Variants in ITCH observed in about 807,000 individuals in gnomAD.
ITCH encodes E3 ubiquitin-protein ligase Itchy homolog.
In ITCH, 28 loss-of-function variants were observed where a neutral mutation model predicts 126.8. The ratio of observed to expected loss-of-function variants is 0.22; its 90% CI spans 0.16 to 0.30. ITCH has a LOEUF of 0.30. Ranked by LOEUF, ITCH falls within the 10% of genes least tolerant of loss-of-function variation. The pLI, the probability that ITCH is intolerant of heterozygous loss-of-function variation, is 1.00. For missense variants in ITCH, 631 were observed against 1,032.4 expected (o/e 0.61, Z 5.33); for synonymous variants, 342 against 340.0 (o/e 1.01, Z -0.06).
intron 3 of ITCH, among the ~76,000 whole-genome samples, chr20:34,395,897 A>G (rs1481691511): frequency 2.6e-5 from 4 of 152,136 alleles, no homozygotes; most frequent in Non-Finnish European, 5.9e-5. Context: ...GAAAAATGCT[A>G]TAAACATTTG....
chr20:34,476,732 T>C (rs945809460), intron 16 of ITCH: 2 of 211,666 alleles, frequency 9.4e-6, no homozygotes, highest in African/African-American at 4.6e-5. Flanking sequence ...TGATCCTCTC[T>C]GGATATTTAA....
At chr20:34,434,402 T>C (rs762128081) in intron 7 of ITCH, among the ~76,000 whole-genome samples, 18 of 152,200 alleles carry the variant, frequency 1.2e-4, no homozygotes, top group Non-Finnish European at 2.6e-4. Context: ...GAGGAACAGA[T>C]AGGATTGAGG....
At position 34,507,746 on chromosome 20, in the gene ITCH, A is replaced by G; in HGVS notation, c.2541A>G (p.Glu847=). 1 of 1,613,982 alleles carries G rather than the reference A, an allele frequency of 6.2e-7. No individual in the cohort carries two copies. Among genetic ancestry groups the G allele is most frequent in the South Asian group, 1.1e-5 (1 of 91,084 alleles). The stretch of plus-strand genomic sequence containing the variant: ...ACAAGAGCTATGAGCAACTGAAGGA[A>G]AAGCTGTTGTTTGCCATAGAAGAAA... ...PPYKSYEQLK[E]KLLFAIEETE... The change falls in exon 25 of 25, where the codon GAA becomes GAG. Residue 847 remains glutamate (E), a synonymous_variant. Transcript: ENST00000374864.
At chr20:34,373,536 A>G (rs1490169127) in intron 2 of ITCH, among the ~76,000 whole-genome samples, 3 of 152,168 alleles carry the variant, frequency 2.0e-5, no homozygotes, top group Non-Finnish European at 4.4e-5. Flanking sequence ...TTGGCCTCCC[A>G]AAGTGCTGGA....
chr20:34,411,975 A>T (rs186000401), intron 4 of ITCH, among the ~76,000 whole-genome samples: 92 of 152,358 alleles, frequency 6.0e-4, no homozygotes, highest in African/African-American at 2.0e-3. Context: ...CAAATCATGT[A>T]GCTGACGTGA....
intron 11 of ITCH, among the ~76,000 whole-genome samples, chr20:34,448,262 G>A (rs769220721): frequency 5.3e-5 from 8 of 152,092 alleles, no homozygotes; most frequent in Non-Finnish European, 7.4e-5. Flanking sequence ...GCGTGGTGGC[G>A]CGTGCCTGTG....
intron 16 of ITCH, among the ~76,000 whole-genome samples, 195 bp downstream of exon 16, chr20:34,471,710 G>GTT (rs1240381026): frequency 7.6e-6 from 1 of 131,556 alleles, no homozygotes; most frequent in Non-Finnish European, 1.7e-5. Context: ...GTGTGTGTGT[G>GTT]TGTGTTTCAG....
chr20:34,459,397 C>T (rs1009160440), intron 13 of ITCH, among the ~76,000 whole-genome samples: 4 of 152,044 alleles, frequency 2.6e-5, no homozygotes, highest in African/African-American at 9.7e-5. Context: ...TGTCTCCAGT[C>T]CTTACTGGAG....
rs1424027346 is a variant in ITCH at position 34,402,493 on chromosome 20, G to A, written c.71-6158G>A. On this transcript the variant is annotated intron_variant, in intron 3 of 24. Transcript: ENST00000374864. ...TGAAAAATAGACTAGAAATACATCT[G>A]TTTGTGGATAACTCAGCAGTCATAA... The A allele has an allele frequency of 7.9e-6, 6 of 761,228 alleles. No homozygotes were observed. The Admixed American group carries it at 1.0e-4, about 13-fold the overall frequency. The allele number at this position is 761,228 out of a possible 1,614,324, so 47.2% of individuals were successfully genotyped here.
At chr20:34,507,248 CTCT>C (rs1311269625) in intron 24 of ITCH, among the ~76,000 whole-genome samples, 1 of 136,056 alleles carries the variant, frequency 7.3e-6, no homozygotes, top group Non-Finnish European at 1.5e-5. Context: ...TCCTTTTCAA[CTCT>C]TGTTTTCTTC....
At chr20:34,379,645 AGT>A (rs1250821880) in intron 2 of ITCH, among the ~76,000 whole-genome samples, 1 of 143,480 alleles carries the variant, frequency 7.0e-6, no homozygotes, top group Non-Finnish European at 1.5e-5. Flanking sequence ...CCCAGGCTGG[AGT>A]GCAGTAGTGC....
intron 20 of ITCH, among the ~76,000 whole-genome samples, chr20:34,484,773 A>G (rs61341205): frequency 0.16 from 24,159 of 152,178 alleles, 2,157 homozygotes; most frequent in South Asian, 0.33. Flanking sequence ...ACAAATATAT[A>G]TATCAGCCCA....
intron 24 of ITCH, among the ~76,000 whole-genome samples, chr20:34,505,040 G>C (rs1011295788): frequency 1.3e-5 from 2 of 151,806 alleles, no homozygotes; most frequent in African/African-American, 4.8e-5. Context: ...TTTTTTGTTT[G>C]TTTGTTTGTT....
chr20:34,461,519 G>A (rs1317257698), intron 13 of ITCH, among the ~76,000 whole-genome samples: 1 of 152,012 alleles, frequency 6.6e-6, no homozygotes, highest in East Asian at 1.9e-4. Context: ...ACCCAGCCTG[G>A]CCAACATGGT....
At chr20:34,486,964 C>T (rs1312615268) in intron 20 of ITCH, among the ~76,000 whole-genome samples, 1 of 147,588 alleles carries the variant, frequency 6.8e-6, no homozygotes, top group African/African-American at 2.5e-5. Context: ...TTACAGATGT[C>T]AGCCACCACA....
intron 11 of ITCH, 48 bp downstream of exon 11, chr20:34,445,509 G>A (rs1467801925): frequency 1.3e-6 from 2 of 1,567,772 alleles, no homozygotes; most frequent in Non-Finnish European, 8.8e-7. Flanking sequence ...TTTGTTTCTA[G>A]CCCCTTCCAG....
chr20:34,455,539 T>C (rs73257173), intron 12 of ITCH, among the ~76,000 whole-genome samples: 2,967 of 151,780 alleles, frequency 0.02, 92 homozygotes, highest in African/African-American at 0.059. Flanking sequence ...CTCGGCACAC[T>C]GTAACCTCTG....
At chr20:34,418,052 C>T (rs371531624) in intron 6 of ITCH, among the ~76,000 whole-genome samples, 2 of 151,056 alleles carry the variant, frequency 1.3e-5, no homozygotes, top group African/African-American at 4.9e-5. Flanking sequence ...CTGCAACCTC[C>T]GCCTCCTGGG....
chr20:34,495,322 C>CACACAT (rs1491160174), intron 23 of ITCH, among the ~76,000 whole-genome samples: 4 of 144,704 alleles, frequency 2.8e-5, no homozygotes, highest in Non-Finnish European at 6.1e-5. Context: ...TATATACACA[C>CACACAT]GCACACACAC....
Sources: allele counts gnomAD v4.1 joint callset (sites outside exome capture counted in the v4.1 genomes callset), GRCh38; gene constraint gnomAD v4.1.1; transcripts MANE v1.5; gene names NCBI Gene and HGNC (gene_info 2026-07-23, HGNC 2026-07-21).